Variants in SOCS5 observed in about 807,000 individuals in gnomAD.
SOCS5 encodes the protein CIS-6.
SOCS5 carries 32 observed loss-of-function variants against 42.8 expected under a neutral mutation model. The observed-to-expected ratio is 0.75, with a 90% CI of 0.56 to 1.01. The LOEUF is 1.01. SOCS5 is among the 50% of genes least tolerant of loss of function. The pLI, the probability that SOCS5 is intolerant of heterozygous loss-of-function variation, is 0.00. For synonymous variants in SOCS5, 283 were observed against 229.6 expected (o/e 1.23, Z -2.10); for missense variants, 627 against 653.0 (o/e 0.96, Z 0.43).
At chr2:46,735,314 G>A (rs1673219202) in intron 1 of SOCS5, among the ~76,000 whole-genome samples, 1 of 151,986 alleles carries the variant, frequency 6.6e-6, no homozygotes, top group Non-Finnish European at 1.5e-5. Context: ...CAGTATGGAA[G>A]AAAAAAGAGA....
intron 1 of SOCS5, among the ~76,000 whole-genome samples, chr2:46,736,071 C>G (rs558619374): frequency 6.6e-5 from 10 of 151,100 alleles, no homozygotes; most frequent in African/African-American, 1.7e-4. Context: ...GAGACAGTCT[C>G]TCTCTCTGGC....
chr2:46,746,922 C>CTTTTTTTTTTTTTTTTTTTTT (rs11373537), intron 1 of SOCS5, among the ~76,000 whole-genome samples: 35 of 70,794 alleles, frequency 4.9e-4, no homozygotes, highest in Non-Finnish European at 7.1e-4. Context: ...GACTTTATTT[C>CTTTTTTTTTTTTTTTTTTTTT]TTTTTTTTTT....
In SOCS5 at chr2:46,761,775, TA is replaced by T. The variant is rs1673876158; in HGVS notation, c.*1635del. Reference sequence around the variant, plus strand: ...TAAGCTAACTCTAAATTTAATGCTCTACATCTTATCAGTCATAATTATATAT... The same window carrying T: ...TAAGCTAACTCTAAATTTAATGCTCTCATCTTATCAGTCATAATTATATAT... On this transcript the variant is annotated 3_prime_UTR_variant, in exon 2 of 2. Coordinates refer to ENST00000394861, the MANE Select transcript of SOCS5 (RefSeq NM_144949.3). 1 of 166,616 alleles carries T rather than the reference TA, an allele frequency of 6.0e-6. No homozygotes were observed. The highest frequency in any genetic ancestry group is 2.1e-4 in the South Asian group (1 of 4,832). 10.3% of individuals were successfully genotyped at this position (166,616 alleles called of 1,614,324 possible).
intron 1 of SOCS5, among the ~76,000 whole-genome samples, chr2:46,736,386 C>T (rs1260106931): frequency 1.3e-5 from 2 of 152,150 alleles, no homozygotes; most frequent in Admixed American, 6.6e-5. Flanking sequence ...GCATTAAGCA[C>T]ATTCACATTC....
chr2:46,731,823 A>G (rs1182506493), intron 1 of SOCS5, among the ~76,000 whole-genome samples: 2 of 152,254 alleles, frequency 1.3e-5, no homozygotes, highest in Non-Finnish European at 2.9e-5. Flanking sequence ...TGATAGCACC[A>G]TTTTAACAGT....
At chr2:46,703,129 G>C (rs968802623) in intron 1 of SOCS5, among the ~76,000 whole-genome samples, 5 of 152,132 alleles carry the variant, frequency 3.3e-5, no homozygotes, top group Non-Finnish European at 1.5e-5. Flanking sequence ...TATTTGTAGA[G>C]TTTCATTGAA....
Position 46,758,892 on chromosome 2 carries a change from G to C in SOCS5, c.362G>C (p.Gly121Ala). ...TCCTACTCTCGACATGCTCCATGGGGTGGGAAGAAAAAACATTCCTGTTCT... is the reference window on the plus strand; with the variant it reads ...TCCTACTCTCGACATGCTCCATGGGCTGGGAAGAAAAAACATTCCTGTTCT... Reference protein sequence around the residue: ...RDSYSRHAPWGGKKKHSCSTK... With the variant: ...RDSYSRHAPWAGKKKHSCSTK... The change falls in exon 2 of 2, where the codon GGT becomes GCT. Residue 121 changes from glycine to alanine, a missense_variant. Gly to Ala is a moderately conservative substitution (Grantham distance 60). Coordinates refer to ENST00000394861, the MANE Select transcript of SOCS5 (RefSeq NM_144949.3). 13 of 1,614,036 alleles carry C rather than the reference G, an allele frequency of 8.1e-6. No homozygotes were observed. Among genetic ancestry groups the C allele is most frequent in the Non-Finnish European group, 1.1e-5 (13 of 1,179,896 alleles).
At chr2:46,717,364 T>C (rs887649561) in intron 1 of SOCS5, among the ~76,000 whole-genome samples, 1 of 152,170 alleles carries the variant, frequency 6.6e-6, no homozygotes, top group African/African-American at 2.4e-5. Context: ...TTGCCTCTTA[T>C]CTCGTGTGAA....
intron 1 of SOCS5, among the ~76,000 whole-genome samples, chr2:46,746,544 G>A (rs905430398): frequency 5.3e-5 from 8 of 151,796 alleles, no homozygotes; most frequent in South Asian, 2.1e-4. Flanking sequence ...CCAGCTACTC[G>A]GGAGGCTGAG....
intron 1 of SOCS5, among the ~76,000 whole-genome samples, chr2:46,721,407 G>A (rs1672881994): frequency 6.6e-6 from 1 of 152,082 alleles, no homozygotes; most frequent in Non-Finnish European, 1.5e-5. Flanking sequence ...AACTTGACTA[G>A]TAGGTAAATA....
intron 1 of SOCS5, among the ~76,000 whole-genome samples, chr2:46,712,336 CTTTTTTTTTTT>C (rs70940636): frequency 4.6e-5 from 3 of 64,954 alleles, no homozygotes; most frequent in Non-Finnish European, 7.9e-5. Context: ...GGATGTTTAG[CTTTTTTTTTTT>C]TTTTTTTTTT....
intron 1 of SOCS5, among the ~76,000 whole-genome samples, chr2:46,720,457 A>G (rs1207819710): frequency 6.6e-6 from 1 of 152,110 alleles, no homozygotes; most frequent in Non-Finnish European, 1.5e-5. Context: ...CTATTTTACT[A>G]CTTTGTGTCT....
chr2:46,737,652 TG>T (rs1306584667), intron 1 of SOCS5, among the ~76,000 whole-genome samples: 2 of 152,198 alleles, frequency 1.3e-5, no homozygotes, highest in East Asian at 3.8e-4. Context: ...AGATAATTCA[TG>T]CATTTACATA....
chr2:46,730,811 G>T (rs565652243), intron 1 of SOCS5, among the ~76,000 whole-genome samples: 1 of 152,268 alleles, frequency 6.6e-6, no homozygotes, highest in South Asian at 2.1e-4. Context: ...TGAAGTATAT[G>T]TAGGCTAGGA....
chr2:46,725,880 G>A (rs1672979994), intron 1 of SOCS5, among the ~76,000 whole-genome samples: 1 of 151,912 alleles, frequency 6.6e-6, no homozygotes, highest in Non-Finnish European at 1.5e-5. Context: ...AGTCTGAGTT[G>A]ACAATTATTT....
intron 1 of SOCS5, among the ~76,000 whole-genome samples, chr2:46,730,425 A>AC (rs1673090159): frequency 6.6e-6 from 1 of 151,540 alleles, no homozygotes; most frequent in African/African-American, 2.4e-5. Context: ...ACATGGTGAA[A>AC]CCCCGTCTCT....
At chr2:46,748,859 A>G (rs1296270931) in intron 1 of SOCS5, among the ~76,000 whole-genome samples, 1 of 152,196 alleles carries the variant, frequency 6.6e-6, no homozygotes, top group African/African-American at 2.4e-5. Flanking sequence ...TTGCTCACTT[A>G]CCATTGGTAA....
intron 1 of SOCS5, among the ~76,000 whole-genome samples, chr2:46,746,579 A>C (rs1157554104): frequency 1.3e-5 from 2 of 151,620 alleles, no homozygotes; most frequent in Admixed American, 6.6e-5. Flanking sequence ...TGAACCTGAG[A>C]GGTAGAGGTT....
At chr2:46,718,195 C>G (rs1251035752) in intron 1 of SOCS5, among the ~76,000 whole-genome samples, 1 of 152,108 alleles carries the variant, frequency 6.6e-6, no homozygotes, top group Non-Finnish European at 1.5e-5. Context: ...AATCACAATC[C>G]TGTGCTGCCT....
Sources: allele counts gnomAD v4.1 joint callset (sites outside exome capture counted in the v4.1 genomes callset), GRCh38; gene constraint gnomAD v4.1.1; transcripts MANE v1.5; gene names NCBI Gene and HGNC (gene_info 2026-07-23, HGNC 2026-07-21).